The following KCNC2 variants were observed in gnomAD, a reference collection of about 807,000 sequenced individuals.
KCNC2 encodes the protein voltage-gated potassium channel KCNC2.
KCNC2 carries 21 observed loss-of-function variants against 44.5 expected under a neutral mutation model. That is an observed-to-expected ratio of 0.47 (90% CI 0.33 to 0.68). KCNC2 has a LOEUF of 0.68. KCNC2 is among the 30% of genes least tolerant of loss of function. The pLI, the probability that KCNC2 is intolerant of heterozygous loss-of-function variation, is 0.01. For synonymous variants in KCNC2, 391 were observed against 339.1 expected (o/e 1.15, Z -1.68); for missense variants, 589 against 826.2 (o/e 0.71, Z 3.52).
chr12:75,162,225 T>C lies in KCNC2; in HGVS notation c.687+45072A>G, dbSNP rs116165464. Among the ~76,000 whole-genome samples the C allele has an allele frequency of 8.6e-3, 1,309 of 151,928 alleles. 23 individuals carry two copies. The highest frequency in any genetic ancestry group is 0.03 in the African/African-American group (1,249 of 41,498). On this transcript the variant is annotated intron_variant, in intron 2 of 4. Transcript: ENST00000549446. ...TATTTTTTTAAATTGAAATGTAGTA[T>C]AAACATCTTCCTAAAATTTATTGAA...
intron 2 of KCNC2, among the ~76,000 whole-genome samples, chr12:75,145,591 A>T (rs1220637734): frequency 1.3e-5 from 2 of 152,038 alleles, no homozygotes; most frequent in African/African-American, 2.4e-5. Context: ...CTTGATCATC[A>T]TCTGTCATGT....
At chr12:75,104,327 T>C (rs1225118890) in intron 2 of KCNC2, among the ~76,000 whole-genome samples, 1 of 152,144 alleles carries the variant, frequency 6.6e-6, no homozygotes, top group African/African-American at 2.4e-5. Flanking sequence ...TGGAGCAAGA[T>C]TTCATCATGT....
Position 75,048,250 on chromosome 12 carries a change from T to C in KCNC2, c.1683A>G (p.Arg561=), listed in dbSNP as rs757763381. ...PLSPPERLPI[R]RSSTRDKNRR... ...TGTTTTTGTCTCTGGTACTAGAGCGTCTGATGGGGAGCCTTTCTGGGGGTG... is the reference window on the plus strand; with the variant it reads ...TGTTTTTGTCTCTGGTACTAGAGCGCCTGATGGGGAGCCTTTCTGGGGGTG... Residue 561 remains arginine (R), a synonymous_variant, in exon 4 of 5, where the codon AGA becomes AGG. Coordinates refer to ENST00000549446, the MANE Select transcript of KCNC2 (RefSeq NM_139137.4). 5 of 1,613,006 alleles carry C rather than the reference T, an allele frequency of 3.1e-6. No homozygotes were observed. In the Admixed American group the frequency reaches 6.7e-5, roughly 22 times the overall value.
intron 2 of KCNC2, among the ~76,000 whole-genome samples, chr12:75,079,587 T>G (rs1884298784): frequency 6.6e-6 from 1 of 152,140 alleles, no homozygotes; most frequent in Non-Finnish European, 1.5e-5. Context: ...TTGATCATCA[T>G]AACTGCCCAC....
chr12:75,043,834 GA>G (rs749021663), intron 4 of KCNC2: 297 of 1,193,768 alleles, frequency 2.5e-4, no homozygotes, highest in East Asian at 6.2e-4. Flanking sequence ...AAAAGTAAAG[GA>G]AAAAAAAAGA....
chr12:75,158,310 A>C (rs1458986251), intron 2 of KCNC2, among the ~76,000 whole-genome samples: 1 of 151,886 alleles, frequency 6.6e-6, no homozygotes. Flanking sequence ...GAGTGGGAGG[A>C]AAACAGTTAT....
At chr12:75,051,529 T>G (rs1881171072) in intron 2 of KCNC2, among the ~76,000 whole-genome samples, 1 of 152,156 alleles carries the variant, frequency 6.6e-6, no homozygotes, top group Non-Finnish European at 1.5e-5. Flanking sequence ...TTTCAGCTTA[T>G]AGATACAAAG....
At chr12:75,108,711 C>G (rs1393943720) in intron 2 of KCNC2, among the ~76,000 whole-genome samples, 1 of 152,176 alleles carries the variant, frequency 6.6e-6, no homozygotes, top group African/African-American at 2.4e-5. Context: ...TAAATCCATT[C>G]TAAACCAAAT....
chr12:75,142,114 C>T (rs1889699557), intron 2 of KCNC2, among the ~76,000 whole-genome samples: 1 of 152,130 alleles, frequency 6.6e-6, no homozygotes, highest in Admixed American at 6.6e-5. Context: ...GTACAACTGT[C>T]ACTAAAAATC....
chr12:75,176,423 T>A (rs1892186597), intron 2 of KCNC2, among the ~76,000 whole-genome samples: 1 of 151,900 alleles, frequency 6.6e-6, no homozygotes, highest in Admixed American at 6.6e-5. Context: ...TAAATCAGAG[T>A]AAAAGTTGAA....
chr12:75,085,806 C>A (rs550177219), intron 2 of KCNC2, among the ~76,000 whole-genome samples: 2 of 151,902 alleles, frequency 1.3e-5, no homozygotes, highest in African/African-American at 4.8e-5. Context: ...TTCCTAGTAA[C>A]CTTCCAAATA....
intron 4 of KCNC2, chr12:75,043,539 A>C: frequency 1.6e-6 from 2 of 1,219,068 alleles, no homozygotes. Context: ...GAACTCATTT[A>C]AAAATTAGGC....
chr12:75,121,492 T>G (rs1307274213), intron 2 of KCNC2, among the ~76,000 whole-genome samples: 2 of 151,930 alleles, frequency 1.3e-5, no homozygotes, highest in Non-Finnish European at 2.9e-5. Context: ...GCTAGGAAAA[T>G]AAATATAGGG....
At chr12:75,165,408 T>C (rs1891381060) in intron 2 of KCNC2, among the ~76,000 whole-genome samples, 2 of 151,512 alleles carry the variant, frequency 1.3e-5, no homozygotes, top group East Asian at 1.9e-4. Context: ...TCAGAGTCAC[T>C]GCTACATGTA....
At chr12:75,087,445 C>T (rs12316339) in intron 2 of KCNC2, among the ~76,000 whole-genome samples, 2,244 of 152,176 alleles carry the variant, frequency 0.015, 56 homozygotes, top group African/African-American at 0.052. Flanking sequence ...ATCTTATAAG[C>T]AATTATTCCT....
At chr12:75,148,760 CT>C (rs1890194725) in intron 2 of KCNC2, among the ~76,000 whole-genome samples, 1 of 151,706 alleles carries the variant, frequency 6.6e-6, no homozygotes, top group Non-Finnish European at 1.5e-5. Context: ...AACATTGAAA[CT>C]TTTTTGGCTT....
At chr12:75,083,231 T>C (rs1884670904) in intron 2 of KCNC2, among the ~76,000 whole-genome samples, 1 of 151,786 alleles carries the variant, frequency 6.6e-6, no homozygotes, top group African/African-American at 2.4e-5. Context: ...TGTTTTCTGT[T>C]TGCTATTTTA....
At chr12:75,167,860 T>G (rs1193855837) in intron 2 of KCNC2, among the ~76,000 whole-genome samples, 2 of 151,454 alleles carry the variant, frequency 1.3e-5, no homozygotes, top group African/African-American at 2.4e-5. Flanking sequence ...TCTCAAGATT[T>G]TCTTACTCCT....
intron 2 of KCNC2, among the ~76,000 whole-genome samples, chr12:75,130,265 A>G (rs1025738114): frequency 1.3e-5 from 2 of 152,124 alleles, no homozygotes; most frequent in Admixed American, 6.6e-5. Context: ...TCAATTCTTC[A>G]TCCTCCATTA....
Sources: allele counts gnomAD v4.1 joint callset (sites outside exome capture counted in the v4.1 genomes callset), GRCh38; gene constraint gnomAD v4.1.1; transcripts MANE v1.5; gene names NCBI Gene and HGNC (gene_info 2026-07-23, HGNC 2026-07-21).